CSMD1: variants seen among roughly 807,000 people sequenced by gnomAD.
CSMD1 encodes the protein CUB and sushi domain-containing protein 1.
A neutral mutation model predicts 417.5 loss-of-function variants in CSMD1; 213 were observed. The observed-to-expected ratio is 0.51, with a 90% confidence interval of 0.46 to 0.57. CSMD1 has a LOEUF of 0.57. Among genes scored for constraint, CSMD1 ranks in the 20% least tolerant of loss-of-function variants. The pLI is 0.00. For synonymous variants in CSMD1, 2,862 were observed against 1,736.8 expected, an observed-to-expected ratio of 1.65 and a Z score of -16.11; for missense variants, 6,923 against 4,529.7, an observed-to-expected ratio of 1.53 and a Z score of -15.17.
chr8:3,578,557 T>C (rs991433957), intron 9 of CSMD1, among the ~76,000 whole-genome samples: 2 of 152,234 alleles, frequency 1.3e-5, no homozygotes, highest in Non-Finnish European at 2.9e-5. Flanking sequence ...AATACAAATT[T>C]ATCTGATGTT....
chr8:4,333,969 G>A lies in CSMD1; in HGVS notation c.415+85984C>T, dbSNP rs549494888. ...GGCAGTGACACCATCACGGCTCACT[G>A]CAGTCTTAATGTTCTGCCTCAAGCC... On this transcript the variant is annotated intron_variant, in intron 3 of 69. Transcript: ENST00000635120. Among the ~76,000 whole-genome samples, 5 of 152,132 alleles carry A rather than the reference G, an allele frequency of 3.3e-5. No individual in the cohort carries two copies. In the South Asian group the frequency reaches 6.2e-4, roughly 19 times the overall value.
intron 4 of CSMD1, among the ~76,000 whole-genome samples, chr8:4,012,706 G>A (rs73182063): frequency 2.0e-5 from 3 of 152,080 alleles, no homozygotes; most frequent in African/African-American, 4.8e-5. Context: ...CAACTCCATA[G>A]AATGTCTAAA....
intron 2 of CSMD1, among the ~76,000 whole-genome samples, chr8:4,603,252 G>A (rs11996088): frequency 0.93 from 141,513 of 152,038 alleles, 66,262 homozygotes; most frequent in Non-Finnish European, 0.98. Context: ...ATGACCTGCT[G>A]CAAATTTTTC....
intron 40 of CSMD1, among the ~76,000 whole-genome samples, chr8:3,150,423 C>T (rs969706070): frequency 3.9e-5 from 6 of 152,158 alleles, no homozygotes; most frequent in Admixed American, 1.3e-4. Context: ...GCCGTCATTC[C>T]GACTGTTCAT....
At chr8:3,848,164 T>G (rs559589162) in intron 5 of CSMD1, among the ~76,000 whole-genome samples, 1 of 152,116 alleles carries the variant, frequency 6.6e-6, no homozygotes, top group Non-Finnish European at 1.5e-5. Context: ...GGATGAGAAG[T>G]TGGCATTTTT....
chr8:4,807,632 A>G (rs575904486), intron 1 of CSMD1, among the ~76,000 whole-genome samples: 2 of 152,330 alleles, frequency 1.3e-5, no homozygotes, highest in South Asian at 4.1e-4. Context: ...ATCCTAATAC[A>G]TATGAATATA....
chr8:3,997,501 G>C (rs891839788), intron 5 of CSMD1, among the ~76,000 whole-genome samples: 2 of 152,184 alleles, frequency 1.3e-5, no homozygotes, highest in African/African-American at 2.4e-5. Context: ...AAAAAGGAAA[G>C]CACAATCATA....
intron 5 of CSMD1, among the ~76,000 whole-genome samples, chr8:3,910,227 T>C (rs1320335364): frequency 6.6e-6 from 1 of 152,080 alleles, no homozygotes; most frequent in African/African-American, 2.4e-5. Context: ...GTTCAGTGAA[T>C]TGTGGGGTGG....
intron 1 of CSMD1, among the ~76,000 whole-genome samples, chr8:4,914,450 C>A (rs60704227): frequency 6.6e-6 from 1 of 151,724 alleles, no homozygotes; most frequent in East Asian, 1.9e-4. Flanking sequence ...AGGTGGCGGG[C>A]CCCTGTAGTC....
At chr8:4,227,853 C>A (rs776700008) in intron 3 of CSMD1, among the ~76,000 whole-genome samples, 1 of 148,786 alleles carries the variant, frequency 6.7e-6, no homozygotes. Context: ...AACCCCACAC[C>A]AGGAGACACA....
chr8:4,927,204 T>G (rs528089468), intron 1 of CSMD1, among the ~76,000 whole-genome samples: 1 of 151,252 alleles, frequency 6.6e-6, no homozygotes, highest in Admixed American at 6.6e-5. Context: ...CCTCCCACGT[T>G]CAAGTGCTTT....
rs1480912795 is a variant in CSMD1, at chr8:4,637,337, C to T, written c.302+5G>A. 3 of 1,603,338 alleles carry T rather than the reference C, an allele frequency of 1.9e-6. No individual in the cohort carries two copies. The highest frequency in any genetic ancestry group is 1.3e-5 in the African/African-American group (1 of 74,724). On this transcript the variant is annotated splice_donor_5th_base_variant and intron_variant, in intron 2 of 69. Coordinates refer to ENST00000635120, the MANE Select transcript of CSMD1 (RefSeq NM_033225.6). ...TAACTGTAATATAAAAAGTTGATAC[C>T]TTACCTCACTTTTAAATTCCCTTGT... is the stretch of plus-strand genomic sequence containing the variant.
intron 3 of CSMD1, among the ~76,000 whole-genome samples, chr8:4,118,583 A>G (rs1284699462): frequency 6.6e-6 from 1 of 152,230 alleles, no homozygotes; most frequent in Non-Finnish European, 1.5e-5. Flanking sequence ...TGAAAAAGTA[A>G]GGAAACAATA....
intron 37 of CSMD1, among the ~76,000 whole-genome samples, chr8:3,175,343 C>T (rs916725342): frequency 3.3e-5 from 5 of 152,192 alleles, no homozygotes; most frequent in African/African-American, 1.2e-4. Flanking sequence ...ATTCAACCTC[C>T]TACGTTATTC....
chr8:4,845,108 C>A (rs945195141), intron 1 of CSMD1, among the ~76,000 whole-genome samples: 2 of 152,046 alleles, frequency 1.3e-5, no homozygotes, highest in Admixed American at 1.3e-4. Context: ...TGTTTTTATT[C>A]TCCCCTAAGC....
intron 8 of CSMD1, among the ~76,000 whole-genome samples, chr8:3,601,371 C>A (rs762469444): frequency 6.6e-6 from 1 of 152,178 alleles, no homozygotes; most frequent in South Asian, 2.1e-4. Context: ...TGTTTTCCAA[C>A]GATGAGGTTT....
chr8:4,154,244 A>C (rs1796713252), intron 3 of CSMD1, among the ~76,000 whole-genome samples: 1 of 151,570 alleles, frequency 6.6e-6, no homozygotes, highest in Non-Finnish European at 1.5e-5. Flanking sequence ...CAATGAAATA[A>C]AGTTTCTGGC....
intron 3 of CSMD1, among the ~76,000 whole-genome samples, chr8:4,237,504 G>C (rs910810008): frequency 6.6e-6 from 1 of 151,446 alleles, no homozygotes; most frequent in Non-Finnish European, 1.5e-5. Flanking sequence ...CTTCACTCTT[G>C]AACATGATGC....
intron 3 of CSMD1, among the ~76,000 whole-genome samples, chr8:4,150,368 T>A (rs1487927799): frequency 6.6e-6 from 1 of 152,188 alleles, no homozygotes; most frequent in African/African-American, 2.4e-5. Flanking sequence ...TCTGCAGCTG[T>A]CTTTTGTGCC....
Sources: gnomAD v4.1 joint callset for allele counts (sites outside exome capture counted in the v4.1 genomes callset) on GRCh38, gnomAD v4.1.1 for gene constraint, MANE v1.5 for transcripts, NCBI Gene and HGNC (gene_info 2026-07-23, HGNC 2026-07-21) for gene names.